The following RAB2B variants were observed in gnomAD, a reference collection of about 807,000 sequenced individuals.
RAB2B encodes the protein RAB2B, member RAS oncogene family.
A neutral mutation model predicts 29.8 loss-of-function variants in RAB2B; 20 were observed. That is an observed-to-expected ratio of 0.67 (90% CI 0.47 to 0.97). The LOEUF (loss-of-function observed/expected upper bound fraction) is 0.97, where lower values mean the gene tolerates loss of function less well. RAB2B is among the 50% of genes least tolerant of loss of function. The probability of loss-of-function intolerance (pLI) is 0.00; values close to 1 mark genes in which losing one functional copy is unlikely to be tolerated. For missense variants in RAB2B, 218 were observed against 272.0 expected (o/e 0.80, Z 1.40); for synonymous variants, 93 against 91.7 (o/e 1.01, Z -0.08).
chr14:21,476,382 G>A (rs1452654336), intron 2 of RAB2B, 146 bp downstream of exon 2: 2 of 763,940 alleles, frequency 2.6e-6, no homozygotes, highest in South Asian at 1.7e-5. Context: ...CGTTTCATTG[G>A]TCACTTCATT....
chr14:21,473,713 A>G (rs948157277), intron 3 of RAB2B, among the ~76,000 whole-genome samples: 61 of 152,114 alleles, frequency 4.0e-4, no homozygotes, highest in African/African-American at 1.4e-3. Context: ...CCCCATCTCT[A>G]TTAAAAATAC....
chr14:21,468,721 C>T lies in RAB2B; in HGVS notation c.218G>A (p.Arg73His), dbSNP rs751411253. The T allele has an allele frequency of 1.2e-5, 19 of 1,568,780 alleles. No individual in the cohort carries two copies. Among genetic ancestry groups the T allele is most frequent in the Non-Finnish European group, 1.4e-5 (16 of 1,159,710 alleles). ...AGQESFRSIT[R>H]SYYRGAAGAL... Reference sequence around the variant, plus strand: ...TCCAGCTGCTCCCCTGTAGTAGGAACGGGTGATAGAACGGAAGGATTCTTG... The same window carrying T: ...TCCAGCTGCTCCCCTGTAGTAGGAATGGGTGATAGAACGGAAGGATTCTTG... The change falls in exon 4 of 8, where the codon CGT becomes CAT. Residue 73 changes from arginine to histidine, a missense_variant. Coordinates refer to ENST00000397762, the MANE Select transcript of RAB2B (RefSeq NM_032846.4).
Position 21,462,419 on chromosome 14 carries a change from C to CT in RAB2B, c.475-2dup. The CT allele has an allele frequency of 1.2e-6, 2 of 1,611,802 alleles. No individual in the cohort carries two copies. The highest frequency in any genetic ancestry group is 1.7e-6 in the Non-Finnish European group (2 of 1,178,624). On this transcript the variant is annotated splice_acceptor_variant, in intron 6 of 7. Coordinates refer to ENST00000397762, the MANE Select transcript of RAB2B (RefSeq NM_032846.4). LOFTEE classifies it high-confidence loss of function. ...TTTCTTTGGCTGTGTTAATGAAGGC[C>CT]TGAAAGAGACATAAATCGTATCATC... is the stretch of plus-strand genomic sequence containing the variant.
chr14:21,472,209 A>C (rs1250752680), intron 3 of RAB2B, among the ~76,000 whole-genome samples: 1 of 152,252 alleles, frequency 6.6e-6, no homozygotes, highest in Non-Finnish European at 1.5e-5. Flanking sequence ...TCAGTATTTT[A>C]TATTACAGTA....
intron 6 of RAB2B, among the ~76,000 whole-genome samples, chr14:21,463,157 G>T (rs993415479): frequency 5.9e-5 from 9 of 151,682 alleles, no homozygotes; most frequent in African/African-American, 2.2e-4. Flanking sequence ...CAAAGCAAAA[G>T]TAAAACCTTG....
chr14:21,474,656 G>T, intron 3 of RAB2B: 8 of 497,548 alleles, frequency 1.6e-5, no homozygotes, highest in South Asian at 9.8e-5. Flanking sequence ...ATTTTTACTA[G>T]AATAAACTAT....
chr14:21,474,917 G>C lies in RAB2B; in HGVS notation c.136C>G (p.Arg46Gly). ...DLTIGVEFGA[R>G]MVNIDGKQIK... ...TGTTTTCCATCAATGTTGACCATACGAGCTCCAAACTCCACACCTGTCGGT... is the reference window on the plus strand; with the variant it reads ...TGTTTTCCATCAATGTTGACCATACCAGCTCCAAACTCCACACCTGTCGGT... Residue 46 changes from arginine to glycine, a missense_variant, in exon 3 of 8, where the codon CGT becomes GGT. Arg to Gly is a moderately radical substitution (Grantham distance 125). Transcript: ENST00000397762. 1 of 1,613,902 alleles carries C rather than the reference G, an allele frequency of 6.2e-7. No individual in the cohort carries two copies. Among genetic ancestry groups the C allele is most frequent in the Non-Finnish European group, 8.5e-7 (1 of 1,179,912 alleles).
chr14:21,476,726 C>T, intron 1 of RAB2B, 101 bp downstream of exon 1: 1 of 1,500,712 alleles, frequency 6.7e-7, no homozygotes, highest in Non-Finnish European at 9.2e-7. Context: ...CCCCGCCCGT[C>T]TCGAATCGCC....
chr14:21,468,696 T>G lies in RAB2B; in HGVS notation c.243A>C (p.Gly81=), dbSNP rs572046654. 1,327 of 1,579,406 alleles carry G rather than the reference T, an allele frequency of 8.4e-4. 24 individuals are homozygous for G. In the South Asian group the frequency reaches 0.013, roughly 16 times the overall value. Residue 81 remains glycine, a synonymous_variant, in exon 4 of 8, where the codon GGA becomes GGC. Coordinates refer to ENST00000397762, the MANE Select transcript of RAB2B (RefSeq NM_032846.4). ...TTGTAATGTCGTACACCAGCAGTGC[T>G]CCAGCTGCTCCCCTGTAGTAGGAAC... is the stretch of plus-strand genomic sequence containing the variant. ...ITRSYYRGAA[G]ALLVYDITRR...
intron 3 of RAB2B, among the ~76,000 whole-genome samples, chr14:21,473,907 G>A (rs913178735): frequency 6.6e-6 from 1 of 152,172 alleles, no homozygotes; most frequent in South Asian, 2.1e-4. Flanking sequence ...AGCTATTCGG[G>A]AGGCTGAGAC....
chr14:21,468,747 C>T lies in RAB2B; in HGVS notation c.192G>A (p.Gly64=). 6.5e-7 allele frequency: 1 copy of T among 1,529,186 alleles called. No homozygotes were observed. Among genetic ancestry groups the T allele is most frequent in the Non-Finnish European group, 8.8e-7 (1 of 1,139,018 alleles). The allele number at this position is 1,529,186 out of a possible 1,614,324, so 94.7% of individuals were successfully genotyped here. A position where few individuals can be genotyped will look rare whatever the true frequency, so the allele number is the denominator to read the frequency against. Residue 64 remains glycine (G), a synonymous_variant, in exon 4 of 8, where the codon GGG becomes GGA. Coordinates refer to ENST00000397762, the MANE Select transcript of RAB2B (RefSeq NM_032846.4). The part of the protein sequence containing the change: ...QIKLQIWDTA[G]QESFRSITRS... ...GGGTGATAGAACGGAAGGATTCTTG[C>T]CCAGCCTTTCCCACCAACATGGCAA...
chr14:21,460,296 T>A lies in RAB2B; in HGVS notation c.*900A>T. 1.9e-6 allele frequency: 1 copy of A among 517,926 alleles called. No individual in the cohort carries two copies. Among genetic ancestry groups the A allele is most frequent in the Non-Finnish European group, 3.9e-6 (1 of 259,466 alleles). The allele number at this position is 517,926 out of a possible 1,614,324, so 32.1% of individuals were successfully genotyped here. Reference sequence around the variant, plus strand: ...AGTGGATTGTATATGCTTACGAAATTATTTATTTAGGCCAGGCACGGTGGC... The same window carrying A: ...AGTGGATTGTATATGCTTACGAAATAATTTATTTAGGCCAGGCACGGTGGC... On this transcript the variant is annotated 3_prime_UTR_variant, in exon 8 of 8. Transcript: ENST00000397762.
intron 6 of RAB2B, among the ~76,000 whole-genome samples, chr14:21,463,286 G>A (rs1890609701): frequency 7.7e-6 from 1 of 129,378 alleles, no homozygotes; most frequent in Non-Finnish European, 1.6e-5. Context: ...TTGCTCTGTT[G>A]CCTAGGCTGG....
intron 2 of RAB2B, among the ~76,000 whole-genome samples, chr14:21,475,682 C>T (rs1176874778): frequency 1.3e-5 from 2 of 152,126 alleles, no homozygotes; most frequent in African/African-American, 2.4e-5. Context: ...GTATCATTAG[C>T]CCCTATCGCA....
chr14:21,466,456 T>G (rs1371489627), intron 5 of RAB2B, among the ~76,000 whole-genome samples: 1 of 152,092 alleles, frequency 6.6e-6, no homozygotes, highest in East Asian at 1.9e-4. Context: ...CATTGTGCTC[T>G]AGCCTGGGTG....
chr14:21,465,748 G>C (rs1890671163), intron 5 of RAB2B, among the ~76,000 whole-genome samples: 3 of 151,978 alleles, frequency 2.0e-5, no homozygotes, highest in Non-Finnish European at 2.9e-5. Context: ...CCTTACTCAG[G>C]CCTCTAAGGT....
intron 3 of RAB2B, among the ~76,000 whole-genome samples, chr14:21,472,366 T>C (rs1408386606): frequency 6.6e-6 from 1 of 152,314 alleles, no homozygotes; most frequent in South Asian, 2.1e-4. Context: ...TTAAAATACC[T>C]ATCACAGTAA....
Position 21,460,094 on chromosome 14 carries a change from T to C in RAB2B, c.*1102A>G. The C allele has an allele frequency of 5.8e-6, 3 of 514,006 alleles. No individual in the cohort carries two copies. The highest frequency in any genetic ancestry group is 4.2e-5 in the South Asian group (3 of 71,074). 31.8% of individuals were successfully genotyped at this position (514,006 alleles called of 1,614,324 possible). On this transcript the variant is annotated 3_prime_UTR_variant, in exon 8 of 8. Transcript: ENST00000397762. ...GAAGTACTCAGTGCTCTTGGGCAAG[T>C]AGAGGAAACTGCCTTCTACAAGAAT...
intron 6 of RAB2B, among the ~76,000 whole-genome samples, chr14:21,462,773 G>T (rs10145520): frequency 0.73 from 109,779 of 149,710 alleles, 41,188 homozygotes; most frequent in South Asian, 0.87. Context: ...CAGGAGCGCA[G>T]GTTGCAGTGA....
Sources: gnomAD v4.1 joint callset for allele counts (sites outside exome capture counted in the v4.1 genomes callset) on GRCh38, gnomAD v4.1.1 for gene constraint, MANE v1.5 for transcripts, NCBI Gene and HGNC (gene_info 2026-07-23, HGNC 2026-07-21) for gene names.